The following FOCAD variants were observed in gnomAD, a reference collection of about 807,000 sequenced individuals.
The protein encoded by FOCAD is focadhesin, also known as KIAA1797.
Under a neutral mutation model 225.6 loss-of-function variants are expected in FOCAD, and 198 were observed. The observed-to-expected ratio is 0.88, with a 90% CI of 0.78 to 0.99. The LOEUF (loss-of-function observed/expected upper bound fraction) is 0.99. Ranked by LOEUF, FOCAD falls within the 50% of genes least tolerant of loss-of-function variation. The probability of loss-of-function intolerance (pLI) is 0.00; values close to 1 mark genes in which losing one functional copy is unlikely to be tolerated. For synonymous variants in FOCAD, 897 were observed against 755.0 expected, an observed-to-expected ratio of 1.19 and a Z score of -3.08; for missense variants, 2,713 against 2,123.6, an observed-to-expected ratio of 1.28 and a Z score of -5.46.
chr9:20,687,224 A>G (rs1822721766), intron 1 of FOCAD, among the ~76,000 whole-genome samples: 1 of 152,176 alleles, frequency 6.6e-6, no homozygotes, highest in Non-Finnish European at 1.5e-5. Context: ...ACTTGCATAG[A>G]TAGTCAGTTT....
At chr9:20,759,852 T>A (rs1829409009) in intron 6 of FOCAD, among the ~76,000 whole-genome samples, 1 of 152,206 alleles carries the variant, frequency 6.6e-6, no homozygotes, top group Non-Finnish European at 1.5e-5. Flanking sequence ...GATAAGTTCT[T>A]CCCCTTGGAC....
At chr9:20,778,804 A>G in intron 9 of FOCAD, 36 bp downstream of exon 9, 1 of 1,207,788 alleles carries the variant, frequency 8.3e-7, no homozygotes, top group Non-Finnish European at 1.2e-6. Flanking sequence ...TAAAATGTAA[A>G]TATAACATGA....
intron 18 of FOCAD, 27 bp from the exon 19 acceptor site, chr9:20,874,654 C>G (rs368627256): frequency 3.7e-6 from 6 of 1,609,376 alleles, no homozygotes; most frequent in South Asian, 2.2e-5. Context: ...ATTATCCTCT[C>G]TATGATCTTT....
rs745813573 is a variant in FOCAD, at chr9:20,948,836, A to G, written c.3799-15A>G. 6.2e-7 allele frequency: 1 copy of G among 1,612,986 alleles called. No individual in the cohort carries two copies. Among genetic ancestry groups the G allele is most frequent in the East Asian group, 2.2e-5 (1 of 44,848 alleles). ...ACTGATTCCCTCTTTTCATATTCTGATGCTTTGTTTTCAGGGCACTCCCAC... is the reference window on the plus strand; with the variant it reads ...ACTGATTCCCTCTTTTCATATTCTGGTGCTTTGTTTTCAGGGCACTCCCAC... On this transcript the variant is annotated splice_polypyrimidine_tract_variant and intron_variant, in intron 31 of 43. Transcript: ENST00000338382.
At chr9:20,784,549 T>C (rs1290897564) in intron 10 of FOCAD, among the ~76,000 whole-genome samples, 1 of 152,180 alleles carries the variant, frequency 6.6e-6, no homozygotes, top group Non-Finnish European at 1.5e-5. Flanking sequence ...AAAAGCTAAA[T>C]TCTTGTAATT....
At chr9:20,678,130 A>G (rs1822289010) in intron 2 of FOCAD, among the ~76,000 whole-genome samples, 1 of 152,238 alleles carries the variant, frequency 6.6e-6, no homozygotes, top group Non-Finnish European at 1.5e-5. Context: ...GCTGGCTTAG[A>G]TCAAACATAT....
intron 21 of FOCAD, among the ~76,000 whole-genome samples, chr9:20,904,722 A>G (rs1039686069): frequency 2.6e-5 from 4 of 152,148 alleles, no homozygotes; most frequent in African/African-American, 9.6e-5. Context: ...ATTAAAACTG[A>G]GTGAGACAGT....
intron 15 of FOCAD, among the ~76,000 whole-genome samples, chr9:20,858,748 G>C (rs887916820): frequency 6.6e-6 from 1 of 151,954 alleles, no homozygotes; most frequent in Non-Finnish European, 1.5e-5. Context: ...TTTCCTCTTA[G>C]TACTGCTTTT....
intron 5 of FOCAD, among the ~76,000 whole-genome samples, chr9:20,757,727 G>C (rs1007519198): frequency 6.6e-6 from 1 of 152,144 alleles, no homozygotes; most frequent in African/African-American, 2.4e-5. Context: ...GCAGGAGGAG[G>C]AGGTGGCTTG....
Position 20,978,416 on chromosome 9 carries a change from G to A in FOCAD, c.4339G>A (p.Gly1447Ser). The change falls in exon 37 of 44, where the codon GGC becomes AGC. Residue 1447 changes from glycine (G) to serine (S), a missense_variant. Physicochemically the swap from Gly to Ser is moderately conservative, Grantham distance 56 (BLOSUM62 0). Coordinates refer to ENST00000338382, the MANE Select transcript of FOCAD (RefSeq NM_001375567.1). ...QSSQNAAALL[G>S]LWVTPPLIHS... The stretch of plus-strand genomic sequence containing the variant: ...ATCCCAGAATGCAGCTGCACTATTG[G>A]GCTTGTGGGTGACACCACCACTGAT... The A allele has an allele frequency of 6.2e-7, 1 of 1,611,898 alleles. No homozygotes were observed. The highest frequency in any genetic ancestry group is 1.1e-5 in the South Asian group (1 of 90,662).
chr9:20,921,766 A>G (rs1834457626), intron 24 of FOCAD, among the ~76,000 whole-genome samples: 1 of 152,210 alleles, frequency 6.6e-6, no homozygotes, highest in Non-Finnish European at 1.5e-5. Flanking sequence ...CAGATATGTC[A>G]AGACTAGTGA....
rs1433987929 is a variant in FOCAD at position 20,958,646 on chromosome 9, T to C, written c.4132+5581T>C. Among the ~76,000 whole-genome samples, 6 of 152,290 alleles carry C rather than the reference T, an allele frequency of 3.9e-5. No individual in the cohort carries two copies. In the East Asian group the frequency reaches 1.2e-3, roughly 29 times the overall value. ...AGAACTTATACCTTCCATCTAATTG[T>C]GGTTTTGTATCCTTTAACAAGTCTC... On this transcript the variant is annotated intron_variant, in intron 35 of 43. Transcript: ENST00000338382.
chr9:20,927,376 T>C (rs1408774771), intron 26 of FOCAD, among the ~76,000 whole-genome samples: 1 of 152,204 alleles, frequency 6.6e-6, no homozygotes, highest in Non-Finnish European at 1.5e-5. Context: ...ACTTACTTCA[T>C]CATTCTTATT....
intron 2 of FOCAD, among the ~76,000 whole-genome samples, chr9:20,668,931 T>C (rs887017395): frequency 1.3e-4 from 20 of 152,212 alleles, no homozygotes; most frequent in Non-Finnish European, 2.5e-4. Flanking sequence ...TCCTCTAGGT[T>C]CACGGTTAGC....
At chr9:20,912,843 G>A (rs1439482367) in intron 22 of FOCAD, 23 bp from the exon 23 acceptor site, 8 of 1,598,840 alleles carry the variant, frequency 5.0e-6, no homozygotes, top group Non-Finnish European at 6.9e-6. Context: ...TTCACATGCT[G>A]ATTTATGCTG....
rs760277453 is a variant in FOCAD, at chr9:20,781,912, A to G, written c.1180A>G (p.Arg394Gly). ...GGAAATGATACAGCAGGAATGTTACAGAGATGACCACCAAAAGGTAATGAA... is the reference window on the plus strand; with the variant it reads ...GGAAATGATACAGCAGGAATGTTACGGAGATGACCACCAAAAGGTAATGAA... ...LLEMIQQECY[R>G]DDHQKLSYKL... The change falls in exon 10 of 44, where the codon AGA (arginine) becomes GGA (glycine). Residue 394 changes from arginine (R) to glycine (G), a missense_variant. Arg to Gly is a moderately radical substitution (Grantham distance 125). Coordinates refer to ENST00000338382, the MANE Select transcript of FOCAD (RefSeq NM_001375567.1). 8.1e-6 allele frequency: 13 copies of G among 1,613,768 alleles called. No individual in the cohort carries two copies. Among genetic ancestry groups the G allele is most frequent in the African/African-American group, 2.7e-5 (2 of 74,932 alleles).
At chr9:20,667,944 T>G (rs1821942979) in intron 2 of FOCAD, among the ~76,000 whole-genome samples, 1 of 152,160 alleles carries the variant, frequency 6.6e-6, no homozygotes, top group Admixed American at 6.5e-5. Context: ...TTTAGTTGAT[T>G]ATAGATGCCA....
In FOCAD at chr9:20,912,886, G is replaced by A; in HGVS notation, c.2739G>A (p.Glu913=). ...AILQGRLGEL[E]LQLKHGKEEP... is the part of the protein sequence containing the mutation. The stretch of plus-strand genomic sequence containing the variant: ...TGCAGGGAAGACTAGGAGAGCTGGA[G>A]TTGCAGTTAAAACATGGAAAAGAAG... The change falls in exon 23 of 44, where the codon GAG becomes GAA. Residue 913 remains glutamate, a synonymous_variant. Transcript: ENST00000338382. 2 of 1,613,342 alleles carry A rather than the reference G, an allele frequency of 1.2e-6. No homozygotes were observed. Among genetic ancestry groups the A allele is most frequent in the South Asian group, 2.2e-5 (2 of 91,062 alleles).
intron 42 of FOCAD, among the ~76,000 whole-genome samples, chr9:20,992,889 G>T (rs1367078362): frequency 6.6e-6 from 1 of 151,692 alleles, no homozygotes; most frequent in East Asian, 1.9e-4. Context: ...CTTGAACCCA[G>T]GAGGCAGAGG....
Sources: gnomAD v4.1 joint callset for allele counts (sites outside exome capture counted in the v4.1 genomes callset) on GRCh38, gnomAD v4.1.1 for gene constraint, MANE v1.5 for transcripts, NCBI Gene and HGNC (gene_info 2026-07-23, HGNC 2026-07-21) for gene names.